SLC12A7: variants seen among roughly 807,000 people sequenced by gnomAD.
The protein encoded by SLC12A7 is K-Cl cotransporter 4.
Under a neutral mutation model 120.6 loss-of-function variants are expected in SLC12A7, and 100 were observed. The ratio of observed to expected loss-of-function variants is 0.83; its 90% CI spans 0.71 to 0.98. The LOEUF is 0.98. SLC12A7 is among the 50% of genes least tolerant of loss of function. The pLI, the probability that SLC12A7 is intolerant of heterozygous loss-of-function variation, is 0.00. For synonymous variants in SLC12A7, 760 were observed against 678.0 expected (o/e 1.12, Z -1.88); for missense variants, 1,373 against 1,548.1 (o/e 0.89, Z 1.90).
At chr5:1,117,870 G>A in the SLC12A7 span, among the ~76,000 whole-genome samples, 2 of 152,182 alleles carry the variant, frequency 1.3e-5, no homozygotes, top group East Asian at 1.9e-4. The surrounding 1 kb of genome is among the most constrained non-coding windows in gnomAD (Gnocchi z 4.5). Flanking sequence ...AGGAGATCGA[G>A]ACCATCCTGG....
chr5:1,065,073 GCAAGGGGACAC>G, intron 18 of SLC12A7, among the ~76,000 whole-genome samples, 199 bp downstream of exon 18: 1 of 143,238 alleles, frequency 7.0e-6, no homozygotes, highest in African/African-American at 2.6e-5. Flanking sequence ...TGAGGGGACA[GCAAGGGGACAC>G]TGAGGAGACA....
chr5:1,099,817 C>G (rs1741827366), intron 1 of SLC12A7, among the ~76,000 whole-genome samples: 1 of 152,200 alleles, frequency 6.6e-6, no homozygotes, highest in Non-Finnish European at 1.5e-5. Context: ...ACTCGGGACA[C>G]CTTAAAACCA....
chr5:1,128,952 C>T, the SLC12A7 span, among the ~76,000 whole-genome samples: 1 of 152,244 alleles, frequency 6.6e-6, no homozygotes, highest in Non-Finnish European at 1.5e-5. Flanking sequence ...TCCCCATGTG[C>T]GTCCAACACA....
chr5:1,093,560 G>A lies in SLC12A7; in HGVS notation c.315C>T (p.Asp105=), dbSNP rs143179361. ...LSQGVVEHEE[D]EESRRREAKA... ...TGGCCTCCCGCCGCCGGCTCTCCTC[G>A]TCCTCCTCGTGCTCCACCACGCCCT... The change falls in exon 3 of 24, where the codon GAC becomes GAT. Residue 105 remains aspartate, a synonymous_variant. Transcript: ENST00000264930. 1.1e-4 allele frequency: 183 copies of A among 1,602,826 alleles called. No individual in the cohort carries two copies. In the African/African-American group the frequency reaches 1.9e-3, roughly 17 times the overall value.
chr5:1,151,617 C>G, the SLC12A7 span, among the ~76,000 whole-genome samples: 1 of 152,110 alleles, frequency 6.6e-6, no homozygotes. The surrounding 1 kb of genome is among the most constrained non-coding windows in gnomAD (Gnocchi z 6.2). Flanking sequence ...CCACCAGAAC[C>G]AACCGGTGCC....
chr5:1,065,677 G>A (rs1736978084), intron 17 of SLC12A7, among the ~76,000 whole-genome samples, 199 bp from the exon 18 acceptor site: 1 of 152,138 alleles, frequency 6.6e-6, no homozygotes, highest in African/African-American at 2.4e-5. Flanking sequence ...ACACACTGGG[G>A]AGAGAGACAC....
the SLC12A7 span, among the ~76,000 whole-genome samples, chr5:1,119,942 A>G: frequency 6.6e-6 from 1 of 152,350 alleles, no homozygotes; most frequent in East Asian, 1.9e-4. Context: ...GAAGGCGCAC[A>G]GGTGTCACCA....
the SLC12A7 span, among the ~76,000 whole-genome samples, chr5:1,126,102 T>C: frequency 6.6e-6 from 1 of 152,126 alleles, no homozygotes; most frequent in Non-Finnish European, 1.5e-5. Context: ...ATTTTATTAT[T>C]TTTTGAGACA....
At chr5:1,069,766 G>A (rs932900683) in intron 17 of SLC12A7, among the ~76,000 whole-genome samples, 1 of 152,186 alleles carries the variant, frequency 6.6e-6, no homozygotes, top group Non-Finnish European at 1.5e-5. Flanking sequence ...GGCTTTCATC[G>A]TGTCATCATT....
At chr5:1,147,202 C>T in the SLC12A7 span, among the ~76,000 whole-genome samples, 11 of 151,522 alleles carry the variant, frequency 7.3e-5, no homozygotes, top group African/African-American at 2.2e-4. Flanking sequence ...TAAATTCCCA[C>T]GGTGACAGAA....
the SLC12A7 span, among the ~76,000 whole-genome samples, chr5:1,136,245 C>T: frequency 7.9e-5 from 12 of 151,562 alleles, no homozygotes; most frequent in East Asian, 7.8e-4. Flanking sequence ...TCCCTCCAAC[C>T]CAGCTCCGAG....
chr5:1,121,390 C>T, the SLC12A7 span, among the ~76,000 whole-genome samples: 1 of 152,200 alleles, frequency 6.6e-6, no homozygotes, highest in Admixed American at 6.5e-5. Context: ...CATGGACTTG[C>T]TGGGGGGCAG....
intron 1 of SLC12A7, among the ~76,000 whole-genome samples, chr5:1,095,084 G>A: frequency 6.9e-6 from 1 of 144,630 alleles, no homozygotes; most frequent in East Asian, 2.0e-4. Flanking sequence ...GTAGGAGGTG[G>A]TGAGGTGTGG....
intron 3 of SLC12A7, among the ~76,000 whole-genome samples, chr5:1,090,969 C>T (rs1740431492): frequency 6.6e-6 from 1 of 152,140 alleles, no homozygotes; most frequent in Non-Finnish European, 1.5e-5. Flanking sequence ...CAGGGGCGGC[C>T]CCTGCCCTTC....
the SLC12A7 span, among the ~76,000 whole-genome samples, chr5:1,118,939 C>T: frequency 6.6e-6 from 1 of 152,164 alleles, no homozygotes; most frequent in Non-Finnish European, 1.5e-5. Flanking sequence ...GCGGGAGGGG[C>T]TCACAACCCA....
At chr5:1,116,375 T>A (rs1743321684), upstream of SLC12A7, among the ~76,000 whole-genome samples, 1 of 152,110 alleles carries the variant, frequency 6.6e-6, no homozygotes, top group Non-Finnish European at 1.5e-5. Context: ...GCCAGGTACG[T>A]GGGGTTCTGA....
At chr5:1,113,467 A>T (rs1191931613), upstream of SLC12A7, among the ~76,000 whole-genome samples, 1 of 151,988 alleles carries the variant, frequency 6.6e-6, no homozygotes, top group Non-Finnish European at 1.5e-5. Context: ...TGCCCCATGG[A>T]CTCTTCTGGG....
Position 1,088,172 on chromosome 5 carries a change from C to T in SLC12A7, c.544+134G>A, listed in dbSNP as rs577015028. ...ACGCCAGAGGAGCCAGTGGAGAACA[C>T]GCAGAAGGCCCGGCTGAGACCCCCA... On this transcript the variant is annotated intron_variant, in intron 5 of 23. Coordinates refer to ENST00000264930, the MANE Select transcript of SLC12A7 (RefSeq NM_006598.3). The T allele has an allele frequency of 3.0e-3, 2,392 of 789,056 alleles. 10 individuals carry two copies. Among genetic ancestry groups the T allele is most frequent in the South Asian group, 7.4e-3 (427 of 57,596 alleles). The allele number at this position is 789,056 out of a possible 1,614,324, so 48.9% of individuals were successfully genotyped here.
intron 12 of SLC12A7, among the ~76,000 whole-genome samples, chr5:1,077,205 C>T (rs1247197799): frequency 6.6e-6 from 1 of 152,246 alleles, no homozygotes; most frequent in Non-Finnish European, 1.5e-5. Flanking sequence ...GTGCCTGTCC[C>T]CTTCCTGGAC....
Sources: gnomAD v4.1 joint callset for allele counts (sites outside exome capture counted in the v4.1 genomes callset) on GRCh38, gnomAD v4.1.1 for gene constraint, Gnocchi (gnomAD v3.1) non-coding constraint, MANE v1.5 for transcripts, NCBI Gene and HGNC (gene_info 2026-07-23, HGNC 2026-07-21) for gene names.